The following BORCS5 variants were observed in gnomAD, a reference collection of about 807,000 sequenced individuals.
The protein encoded by BORCS5 is BLOC-1 related complex subunit 5.
In BORCS5, 17 loss-of-function variants were observed where a neutral mutation model predicts 22.1. The observed-to-expected ratio is 0.77, with a 90% CI of 0.53 to 1.15. The LOEUF (loss-of-function observed/expected upper bound fraction) is 1.15. Among genes scored for constraint, BORCS5 ranks in the 50% most tolerant of loss-of-function variants. The pLI, the probability that BORCS5 is intolerant of heterozygous loss-of-function variation, is 0.00. For missense variants in BORCS5, 247 were observed against 253.2 expected, an observed-to-expected ratio of 0.98 and a Z score of 0.17; for synonymous variants, 117 against 99.8, an observed-to-expected ratio of 1.17 and a Z score of -1.03.
intron 2 of BORCS5, among the ~76,000 whole-genome samples, chr12:12,434,590 T>C (rs1942513863): frequency 1.3e-5 from 2 of 152,254 alleles, no homozygotes; most frequent in South Asian, 2.1e-4. Flanking sequence ...AGCTATGATA[T>C]TCCAGCTGTT....
At chr12:12,405,924 G>A (rs1941585398) in intron 2 of BORCS5, among the ~76,000 whole-genome samples, 2 of 152,228 alleles carry the variant, frequency 1.3e-5, no homozygotes, top group African/African-American at 2.4e-5. Context: ...CTCTAGAATC[G>A]TGTTTTGGGC....
At chr12:12,436,677 A>T (rs1942562721) in intron 3 of BORCS5, among the ~76,000 whole-genome samples, 1 of 152,236 alleles carries the variant, frequency 6.6e-6, no homozygotes, top group Admixed American at 6.5e-5. Flanking sequence ...TGGAGCAAGA[A>T]TCACTGCAGA....
chr12:12,376,394 C>G (rs772158464), intron 2 of BORCS5, among the ~76,000 whole-genome samples: 22 of 151,772 alleles, frequency 1.4e-4, no homozygotes, highest in Admixed American at 2.6e-4. Flanking sequence ...CCACCACGCC[C>G]GGCTAATTTT....
chr12:12,451,741 T>TA (rs1350844074), intron 3 of BORCS5, among the ~76,000 whole-genome samples: 2 of 89,382 alleles, frequency 2.2e-5, no homozygotes, highest in African/African-American at 1.3e-4. Context: ...ATACTAAAAG[T>TA]ACTTTTTTTG....
intron 2 of BORCS5, among the ~76,000 whole-genome samples, chr12:12,379,110 C>CTTTTCTCTTTT (rs1432843635): frequency 2.7e-5 from 4 of 149,674 alleles, no homozygotes; most frequent in Non-Finnish European, 1.5e-5. Flanking sequence ...TTTCTTCTTT[C>CTTTTCTCTTTT]TTTTCTCTTT....
intron 2 of BORCS5, among the ~76,000 whole-genome samples, chr12:12,402,529 G>T (rs1941503044): frequency 6.6e-6 from 1 of 152,192 alleles, no homozygotes; most frequent in Admixed American, 6.5e-5. Flanking sequence ...GCTTCCTGCA[G>T]AGTTCCTGAA....
At chr12:12,464,782 A>G (rs962980642) in intron 3 of BORCS5, among the ~76,000 whole-genome samples, 1 of 152,034 alleles carries the variant, frequency 6.6e-6, no homozygotes, top group African/African-American at 2.4e-5. Context: ...AATGGGGGAG[A>G]AGGGCACATG....
intron 2 of BORCS5, among the ~76,000 whole-genome samples, chr12:12,369,380 G>C (rs530677717): frequency 6.6e-6 from 1 of 152,026 alleles, no homozygotes; most frequent in Non-Finnish European, 1.5e-5. Context: ...TTAGGCTATC[G>C]TCTGCTTTTT....
intron 2 of BORCS5, among the ~76,000 whole-genome samples, chr12:12,414,073 A>C (rs867028889): frequency 0.42 from 11,834 of 28,096 alleles, 2,489 homozygotes; most frequent in African/African-American, 0.64. Flanking sequence ...ATCCCCCCAC[A>C]TCCCTCCCGG....
At chr12:12,428,112 C>T (rs1942334710) in intron 2 of BORCS5, among the ~76,000 whole-genome samples, 1 of 152,154 alleles carries the variant, frequency 6.6e-6, no homozygotes, top group Non-Finnish European at 1.5e-5. Flanking sequence ...CGTTATGTGT[C>T]CCAATATTTG....
rs1943268570 is a variant in BORCS5, at chr12:12,470,158, C to T, written c.*4382C>T. Reference sequence around the variant, plus strand: ...CGATCTCGGCTCACTGCAACCTCCGCCTCCCGGGTTCAAGCAGTTATACTG... The same window carrying T: ...CGATCTCGGCTCACTGCAACCTCCGTCTCCCGGGTTCAAGCAGTTATACTG... On this transcript the variant is annotated 3_prime_UTR_variant, in exon 4 of 4. Transcript: ENST00000314565. Among the ~76,000 whole-genome samples the T allele has an allele frequency of 6.6e-6, 1 of 152,196 alleles. No homozygotes were observed. Among genetic ancestry groups the T allele is most frequent in the Non-Finnish European group, 1.5e-5 (1 of 68,046 alleles).
chr12:12,418,655 A>G (rs1338689236), intron 2 of BORCS5, among the ~76,000 whole-genome samples: 2 of 152,158 alleles, frequency 1.3e-5, no homozygotes, highest in African/African-American at 2.4e-5. Flanking sequence ...CCATTGCACT[A>G]CAGCCTGGGT....
At position 12,407,708 on chromosome 12, in the gene BORCS5, G is replaced by GTT. The variant is rs111497303; in HGVS notation, c.203-27906_203-27905dup. On this transcript the variant is annotated intron_variant, in intron 2 of 3. Coordinates refer to ENST00000314565, the MANE Select transcript of BORCS5 (RefSeq NM_058169.6). Reference sequence around the variant, plus strand: ...CGCCATGAATTTTACTATTCTTTTTGTTTTTTTTTTTTTTTGAGACAGGGC... The same window carrying GTT: ...CGCCATGAATTTTACTATTCTTTTTGTTTTTTTTTTTTTTTTTGAGACAGGGC... Among the ~76,000 whole-genome samples the GTT allele has an allele frequency of 6.9e-3, 953 of 139,024 alleles. 18 individuals carry two copies. Among genetic ancestry groups the GTT allele is most frequent in the African/African-American group, 0.024 (879 of 37,276 alleles). 91.2% of individuals were successfully genotyped at this position (139,024 alleles called of 152,430 possible).
intron 2 of BORCS5, among the ~76,000 whole-genome samples, chr12:12,423,022 G>A (rs1488452401): frequency 1.3e-5 from 2 of 150,152 alleles, no homozygotes; most frequent in African/African-American, 2.4e-5. Flanking sequence ...TATTTTTTGA[G>A]ATGGAGTCTC....
rs936940847 is a variant in BORCS5 at position 12,469,966 on chromosome 12, G to C, written c.*4190G>C. On this transcript the variant is annotated 3_prime_UTR_variant, in exon 4 of 4. Coordinates refer to ENST00000314565, the MANE Select transcript of BORCS5 (RefSeq NM_058169.6). Reference sequence around the variant, plus strand: ...GTTCACTAACTTACCATAAATCAGGGGTCTCCAAACCCCAGGCCACAGACT... The same window carrying C: ...GTTCACTAACTTACCATAAATCAGGCGTCTCCAAACCCCAGGCCACAGACT... Among the ~76,000 whole-genome samples, 1 of 152,106 alleles carries C rather than the reference G, an allele frequency of 6.6e-6. No individual in the cohort carries two copies. The highest frequency in any genetic ancestry group is 1.5e-5 in the Non-Finnish European group (1 of 68,036).
intron 2 of BORCS5, among the ~76,000 whole-genome samples, chr12:12,412,316 T>A (rs983821116): frequency 6.6e-5 from 10 of 152,298 alleles, no homozygotes; most frequent in East Asian, 1.9e-4. Flanking sequence ...TGGTTTTTTT[T>A]ATTGTACAAG....
intron 2 of BORCS5, among the ~76,000 whole-genome samples, chr12:12,390,496 T>C (rs1287365112): frequency 1.3e-5 from 2 of 152,036 alleles, no homozygotes; most frequent in African/African-American, 2.4e-5. Context: ...CAGAAAGTTA[T>C]GGTCAGAAAG....
Position 12,469,478 on chromosome 12 carries a change from A to C in BORCS5, c.*3702A>C, listed in dbSNP as rs1943254754. The stretch of plus-strand genomic sequence containing the variant: ...TTCTTTGCGGCTTCTTCAGTTATGA[A>C]AGAGGTTGGTACTGTTACCCTTACG... On this transcript the variant is annotated 3_prime_UTR_variant, in exon 4 of 4. Coordinates refer to ENST00000314565, the MANE Select transcript of BORCS5 (RefSeq NM_058169.6). 1 of 152,260 alleles carries C rather than the reference A, an allele frequency of 6.6e-6. No individual in the cohort carries two copies. Among genetic ancestry groups the C allele is most frequent in the African/African-American group, 2.4e-5 (1 of 41,460 alleles). 9.4% of individuals were successfully genotyped at this position (152,260 alleles called of 1,614,324 possible).
At chr12:12,457,594 C>T (rs918911481) in intron 3 of BORCS5, among the ~76,000 whole-genome samples, 6 of 152,052 alleles carry the variant, frequency 3.9e-5, no homozygotes, top group East Asian at 1.9e-4. Flanking sequence ...GCGTGAACCC[C>T]GGGGGGCAGA....
Sources: allele counts gnomAD v4.1 joint callset (sites outside exome capture counted in the v4.1 genomes callset), GRCh38; gene constraint gnomAD v4.1.1; transcripts MANE v1.5; gene names NCBI Gene and HGNC (gene_info 2026-07-23, HGNC 2026-07-21).